SCD5: variants seen among roughly 807,000 people sequenced by gnomAD.
SCD5 encodes acyl-CoA-desaturase 4.
Under a neutral mutation model 30.4 loss-of-function variants are expected in SCD5, and 20 were observed. That is an observed-to-expected ratio of 0.66 (90% CI 0.46 to 0.96). The LOEUF (loss-of-function observed/expected upper bound fraction) is 0.96. Among genes scored for constraint, SCD5 ranks in the 40% least tolerant of loss-of-function variants. The pLI is 0.00. For missense variants in SCD5, 381 were observed against 443.3 expected (o/e 0.86, Z 1.26); for synonymous variants, 173 against 176.4 (o/e 0.98, Z 0.16).
chr4:82,698,374 G>A (rs913691142), intron 2 of SCD5, among the ~76,000 whole-genome samples: 1 of 152,104 alleles, frequency 6.6e-6, no homozygotes. Context: ...GTGCTGCCTC[G>A]CACACAAGTC....
In SCD5 at chr4:82,715,550, G is replaced by A. The variant is rs567616477; in HGVS notation, c.233-10137C>T. On this transcript the variant is annotated intron_variant, in intron 1 of 4. Transcript: ENST00000319540. The stretch of plus-strand genomic sequence containing the variant: ...TCATTAATAAAAAAAAAATAAGGGT[G>A]TCCCAAACACCATTCTGGCGCCAGG... 3.8e-4 allele frequency among the ~76,000 whole-genome samples: 57 copies of A among 151,678 alleles called. No individual in the cohort carries two copies. In the South Asian group the frequency reaches 0.011, roughly 30 times the overall value.
intron 2 of SCD5, among the ~76,000 whole-genome samples, chr4:82,694,207 C>T (rs1719637185): frequency 6.6e-6 from 1 of 152,204 alleles, no homozygotes; most frequent in South Asian, 2.1e-4. Flanking sequence ...CAAATCCCCA[C>T]TCCCCACCTT....
At chr4:82,649,724 TA>T (rs1727707194) in intron 3 of SCD5, among the ~76,000 whole-genome samples, 1 of 152,184 alleles carries the variant, frequency 6.6e-6, no homozygotes, top group Non-Finnish European at 1.5e-5. Flanking sequence ...GATTCTGGTG[TA>T]GGGAAGACCC....
At chr4:82,735,605 G>C (rs13353743) in intron 1 of SCD5, among the ~76,000 whole-genome samples, 8,817 of 152,256 alleles carry the variant, frequency 0.058, 842 homozygotes, top group African/African-American at 0.2. Flanking sequence ...TGGTGGAAGG[G>C]GGGGCTCCTG....
chr4:82,761,919 T>A (rs909082150), intron 1 of SCD5, among the ~76,000 whole-genome samples: 3 of 152,004 alleles, frequency 2.0e-5, no homozygotes, highest in Non-Finnish European at 4.4e-5. Flanking sequence ...ATGCCTGTAA[T>A]CCCAGCACTT....
chr4:82,798,796 G>T lies in SCD5; in HGVS notation c.-259C>A. ...CTGCCCGGGCTGAACTCGGCCGCGA[G>T]AAAGAGGAGGCGCGCGCGGGGCGGG... On this transcript the variant is annotated 5_prime_UTR_variant, in exon 1 of 5. Coordinates refer to ENST00000319540, the MANE Select transcript of SCD5 (RefSeq NM_001037582.3). The T allele has an allele frequency of 2.3e-6, 1 of 431,660 alleles. No individual in the cohort carries two copies. Among genetic ancestry groups the T allele is most frequent in the East Asian group, 4.2e-5 (1 of 23,938 alleles). 26.7% of individuals were successfully genotyped at this position (431,660 alleles called of 1,614,324 possible). A position where few individuals can be genotyped will look rare whatever the true frequency, so the allele number is the denominator to read the frequency against.
Position 82,784,964 on chromosome 4 carries a change from T to C in SCD5, c.232+13342A>G, listed in dbSNP as rs530102816. 8.5e-5 allele frequency among the ~76,000 whole-genome samples: 13 copies of C among 152,258 alleles called. No homozygotes were observed. In the South Asian group the frequency reaches 2.5e-3, roughly 29 times the overall value. On this transcript the variant is annotated intron_variant, in intron 1 of 4. Transcript: ENST00000319540. ...TTCACTATTTCAACATTTTAACAAC[T>C]AGTAGAGCCACAGTGGAGCACACTA...
chr4:82,632,499 G>C (rs868753675), intron 4 of SCD5, among the ~76,000 whole-genome samples: 1 of 151,998 alleles, frequency 6.6e-6, no homozygotes, highest in Non-Finnish European at 1.5e-5. Flanking sequence ...ATAAACATAC[G>C]TGTGCATGTG....
Position 82,631,214 on chromosome 4 carries a change from G to A in SCD5, c.*113C>T, listed in dbSNP as rs542423158. 15 of 782,058 alleles carry A rather than the reference G, an allele frequency of 1.9e-5. 1 individual carries two copies. Among genetic ancestry groups the A allele is most frequent in the Middle Eastern group, 4.0e-4 (1 of 2,530 alleles). 48.4% of individuals were successfully genotyped at this position (782,058 alleles called of 1,614,324 possible). Reference sequence around the variant, plus strand: ...AAACATTCCCAAACCACATTGACTCGTTCCTTCCCCACCCTCTGCCCCCTC... The same window carrying A: ...AAACATTCCCAAACCACATTGACTCATTCCTTCCCCACCCTCTGCCCCCTC... On this transcript the variant is annotated 3_prime_UTR_variant, in exon 5 of 5. Coordinates refer to ENST00000319540, the MANE Select transcript of SCD5 (RefSeq NM_001037582.3).
chr4:82,631,098 G>A lies in SCD5; in HGVS notation c.*229C>T. 2 of 410,972 alleles carry A rather than the reference G, an allele frequency of 4.9e-6. No individual in the cohort carries two copies. The highest frequency in any genetic ancestry group is 8.7e-6 in the Non-Finnish European group (2 of 230,466). 25.5% of individuals were successfully genotyped at this position (410,972 alleles called of 1,614,324 possible). A position where few individuals can be genotyped will look rare whatever the true frequency, so the allele number is the denominator to read the frequency against. The stretch of plus-strand genomic sequence containing the variant: ...TGCACTCCAGCCTGGGTGACAGAGT[G>A]AGACTCTGTCTCAAAAACAAAACAA... On this transcript the variant is annotated 3_prime_UTR_variant, in exon 5 of 5. Transcript: ENST00000319540.
In SCD5 at chr4:82,648,957, A is replaced by G. The variant is rs1727687485; in HGVS notation, c.570-12134T>C. Among the ~76,000 whole-genome samples the G allele has an allele frequency of 2.0e-5, 3 of 152,316 alleles. No homozygotes were observed. The South Asian group carries it at 6.2e-4, about 32-fold the overall frequency. ...TGTGCTTTGGCGTTTCGAGGATTCC[A>G]TGCAAAAATGTATATCATTCTGGCA... On this transcript the variant is annotated intron_variant, in intron 3 of 4. Coordinates refer to ENST00000319540, the MANE Select transcript of SCD5 (RefSeq NM_001037582.3).
intron 1 of SCD5, among the ~76,000 whole-genome samples, chr4:82,757,657 G>A (rs182104161): frequency 3.9e-5 from 6 of 152,300 alleles, no homozygotes; most frequent in East Asian, 3.9e-4. Flanking sequence ...CCCGGCTCCC[G>A]CACTTACTGG....
Position 82,798,659 on chromosome 4 carries a change from C to G in SCD5, c.-122G>C. 2.4e-6 allele frequency: 2 copies of G among 823,542 alleles called. No homozygotes were observed. Among genetic ancestry groups the G allele is most frequent in the African/African-American group, 3.5e-5 (2 of 57,170 alleles). The allele number at this position is 823,542 out of a possible 1,614,324, so 51.0% of individuals were successfully genotyped here. A position where few individuals can be genotyped will look rare whatever the true frequency, so the allele number is the denominator to read the frequency against. ...GGGGAATTCTCCGCACGTCCAGTCC[C>G]CTCCTTCCAGCCCTTCTCCCGGGCT... On this transcript the variant is annotated 5_prime_UTR_variant, in exon 1 of 5. Transcript: ENST00000319540.
At chr4:82,674,138 T>G (rs368766259) in intron 3 of SCD5, among the ~76,000 whole-genome samples, 1 of 152,176 alleles carries the variant, frequency 6.6e-6, no homozygotes, top group Non-Finnish European at 1.5e-5. Flanking sequence ...GAGAAAGAAT[T>G]GATAAGCTGG....
chr4:82,740,724 G>C (rs1011465464), intron 1 of SCD5, among the ~76,000 whole-genome samples: 3 of 152,126 alleles, frequency 2.0e-5, no homozygotes, highest in Non-Finnish European at 4.4e-5. Context: ...CTCAACTTCT[G>C]AATCTTTCTT....
intron 3 of SCD5, among the ~76,000 whole-genome samples, chr4:82,679,171 C>G (rs1424053870): frequency 6.8e-6 from 1 of 146,392 alleles, no homozygotes; most frequent in Non-Finnish European, 1.5e-5. Flanking sequence ...TGCACTGCAG[C>G]CTGGGCGACA....
At chr4:82,650,692 T>G in intron 3 of SCD5, among the ~76,000 whole-genome samples, 1 of 150,260 alleles carries the variant, frequency 6.7e-6, no homozygotes, top group African/African-American at 2.4e-5. Flanking sequence ...TGAGAACTTG[T>G]GTCAAAAAAA....
intron 2 of SCD5, among the ~76,000 whole-genome samples, chr4:82,690,010 A>G (rs934522350): frequency 6.6e-6 from 1 of 152,238 alleles, no homozygotes; most frequent in African/African-American, 2.4e-5. Context: ...CATAAAATTA[A>G]AAAAACAAGG....
intron 3 of SCD5, among the ~76,000 whole-genome samples, chr4:82,671,306 A>G (rs1728317638): frequency 6.6e-6 from 1 of 152,206 alleles, no homozygotes. Context: ...AGATGTGAAC[A>G]GCCCACTATC....
Sources: gnomAD v4.1 joint callset for allele counts (sites outside exome capture counted in the v4.1 genomes callset) on GRCh38, gnomAD v4.1.1 for gene constraint, MANE v1.5 for transcripts, NCBI Gene and HGNC (gene_info 2026-07-23, HGNC 2026-07-21) for gene names.